Variants in CAST observed in about 807,000 individuals in gnomAD.
The protein encoded by CAST is MIR583 host.
In CAST, 76 loss-of-function variants were observed where a neutral mutation model predicts 119.6. The observed-to-expected ratio is 0.64, with a 90% CI of 0.53 to 0.77. The LOEUF (loss-of-function observed/expected upper bound fraction) is 0.77. Among genes scored for constraint, CAST ranks in the 30% least tolerant of loss-of-function variants. CAST has a pLI of 0.00. For synonymous variants in CAST, 319 were observed against 331.6 expected, an observed-to-expected ratio of 0.96 and a Z score of 0.41; for missense variants, 953 against 946.5, an observed-to-expected ratio of 1.01 and a Z score of -0.09.
chr5:96,275,883 T>G, the CAST span, among the ~76,000 whole-genome samples: 1 of 152,230 alleles, frequency 6.6e-6, no homozygotes, highest in African/African-American at 2.4e-5. Context: ...CGAGGAGATT[T>G]CATTTATTGA....
chr5:96,194,215 C>G, the CAST span, among the ~76,000 whole-genome samples: 1 of 152,140 alleles, frequency 6.6e-6, no homozygotes, highest in African/African-American at 2.4e-5. Flanking sequence ...ATAGAAGAGA[C>G]ACACTGAGTA....
the CAST span, among the ~76,000 whole-genome samples, chr5:96,150,402 T>C: frequency 1.3e-5 from 2 of 152,294 alleles, no homozygotes; most frequent in Non-Finnish European, 2.9e-5. Flanking sequence ...GTCACTGTGC[T>C]GTAAGGTTCC....
the CAST span, among the ~76,000 whole-genome samples, chr5:96,028,688 G>T: frequency 2.6e-5 from 4 of 152,024 alleles, no homozygotes; most frequent in African/African-American, 9.7e-5. Flanking sequence ...CTCAGTGTAA[G>T]TAGATTGTAG....
At chr5:96,397,567 G>A in the CAST span, 3 of 1,142,882 alleles carry the variant, frequency 2.6e-6, no homozygotes, top group Middle Eastern at 2.0e-4. Context: ...AAAAAGATGA[G>A]TTCTCCTAAT....
chr5:96,624,748 TCAATAAAA>T (rs1025895222), intron 1 of CAST, among the ~76,000 whole-genome samples: 1 of 152,164 alleles, frequency 6.6e-6, no homozygotes, highest in African/African-American at 2.4e-5. Flanking sequence ...TAAACTGGTC[TCAATAAAA>T]CAATAAAGCC....
chr5:96,184,680 T>C, the CAST span, among the ~76,000 whole-genome samples: 2 of 152,128 alleles, frequency 1.3e-5, no homozygotes, highest in Admixed American at 6.5e-5. Context: ...GCAAAGGACA[T>C]GATCTTATTC....
chr5:96,645,888 AAAT>A (rs1213296681), intron 1 of CAST, among the ~76,000 whole-genome samples: 2 of 151,516 alleles, frequency 1.3e-5, no homozygotes, highest in South Asian at 2.1e-4. Flanking sequence ...TAATATTTTA[AAAT>A]AATAATTTAA....
At chr5:96,761,536 A>G (rs1332704567) in intron 24 of CAST, 1 of 152,284 alleles carries the variant, frequency 6.6e-6, no homozygotes, top group Non-Finnish European at 1.5e-5. Context: ...AAAATTTGCA[A>G]TTCTCCTTTT....
the CAST span, among the ~76,000 whole-genome samples, chr5:96,130,875 T>C: frequency 6.6e-6 from 1 of 152,078 alleles, no homozygotes; most frequent in African/African-American, 2.4e-5. Context: ...AGAGTAAAAA[T>C]ATCCATTGCT....
chr5:96,559,268 A>C (rs1025545850), intron 1 of CAST, among the ~76,000 whole-genome samples: 2 of 152,176 alleles, frequency 1.3e-5, no homozygotes, highest in Admixed American at 6.5e-5. Context: ...ATGGGCAAAA[A>C]CTGGAAGCAT....
intron 1 of CAST, among the ~76,000 whole-genome samples, chr5:96,536,299 C>G (rs538469704): frequency 1.3e-5 from 2 of 151,972 alleles, no homozygotes; most frequent in African/African-American, 4.8e-5. Flanking sequence ...GTGGAGGTTA[C>G]GGTGAGCCGA....
intron 1 of CAST, among the ~76,000 whole-genome samples, chr5:96,607,769 T>G (rs1354221452): frequency 6.6e-6 from 1 of 152,204 alleles, no homozygotes; most frequent in Non-Finnish European, 1.5e-5. Flanking sequence ...GTGCAGAAGG[T>G]AAGGGTCTGG....
chr5:96,002,733 G>T, the CAST span, among the ~76,000 whole-genome samples: 2 of 152,164 alleles, frequency 1.3e-5, no homozygotes, highest in South Asian at 4.1e-4. Context: ...ATTGGATAAG[G>T]CGTTGTTAAA....
chr5:96,401,762 T>G, the CAST span, among the ~76,000 whole-genome samples: 1 of 152,176 alleles, frequency 6.6e-6, no homozygotes, highest in Non-Finnish European at 1.5e-5. Flanking sequence ...TCTCCCTGGT[T>G]CTAATTTAAC....
the CAST span, among the ~76,000 whole-genome samples, chr5:96,195,121 C>A: frequency 6.6e-6 from 1 of 152,180 alleles, no homozygotes; most frequent in Non-Finnish European, 1.5e-5. Flanking sequence ...AAGTTGCTGG[C>A]AGACCCATTT....
rs148086812 is a variant in CAST at position 96,754,804 on chromosome 5, A to G, written c.1710+63A>G. 886 of 941,392 alleles carry G rather than the reference A, an allele frequency of 9.4e-4. 5 individuals carry two copies. The African/African-American group carries it at 0.013, about 14-fold the overall frequency. 58.3% of individuals were successfully genotyped at this position (941,392 alleles called of 1,614,324 possible). On this transcript the variant is annotated intron_variant, in intron 22 of 31. Transcript: ENST00000675179. ...TCATACTGAATTCATACACAGAACAAAGGTACTTGGGAACAGAACTGGAAT... is the reference window on the plus strand; with the variant it reads ...TCATACTGAATTCATACACAGAACAGAGGTACTTGGGAACAGAACTGGAAT...
intron 2 of CAST, among the ~76,000 whole-genome samples, chr5:96,687,896 T>C (rs1752262684): frequency 6.6e-6 from 1 of 152,178 alleles, no homozygotes; most frequent in Admixed American, 6.5e-5. Context: ...TCTGATACAA[T>C]ATACTTATTT....
intron 16 of CAST, chr5:96,743,697 A>G: frequency 6.2e-7 from 1 of 1,613,192 alleles, no homozygotes; most frequent in South Asian, 1.1e-5. Flanking sequence ...AAGCTTTGTG[A>G]CGGTGAACGC....
At chr5:96,725,462 G>A (rs1759087301) in intron 4 of CAST, among the ~76,000 whole-genome samples, 1 of 152,190 alleles carries the variant, frequency 6.6e-6, no homozygotes, top group African/African-American at 2.4e-5. Context: ...TCTTTAGGGA[G>A]TTATTTAACT....
Sources: gnomAD v4.1 joint callset for allele counts (sites outside exome capture counted in the v4.1 genomes callset) on GRCh38, gnomAD v4.1.1 for gene constraint, MANE v1.5 for transcripts, NCBI Gene and HGNC (gene_info 2026-07-23, HGNC 2026-07-21) for gene names.